Variants in PPARG observed in about 807,000 individuals in gnomAD.
PPARG encodes the protein peroxisome proliferator-activated receptor gamma.
A neutral mutation model predicts 39.2 loss-of-function variants in PPARG; 17 were observed. The observed-to-expected ratio is 0.43, with a 90% CI of 0.30 to 0.65. PPARG has a LOEUF of 0.65. Among genes scored for constraint, PPARG ranks in the 30% least tolerant of loss-of-function variants. The pLI, the probability that PPARG is intolerant of heterozygous loss-of-function variation, is 0.13. For synonymous variants in PPARG, 223 were observed against 215.7 expected (o/e 1.03, Z -0.30); for missense variants, 406 against 585.9 (o/e 0.69, Z 3.17).
At chr3:12,409,301 A>G (rs969912981) in intron 6 of PPARG, among the ~76,000 whole-genome samples, 1 of 152,220 alleles carries the variant, frequency 6.6e-6, no homozygotes, top group African/African-American at 2.4e-5. Flanking sequence ...AAAATAATCC[A>G]TTCACTGATG....
intron 5 of PPARG, among the ~76,000 whole-genome samples, chr3:12,394,493 T>C (rs1361503732): frequency 6.6e-6 from 1 of 152,230 alleles, no homozygotes; most frequent in African/African-American, 2.4e-5. Context: ...ATCATAAACT[T>C]GATAGGTCAT....
At chr3:12,355,893 A>G (rs17817276) in intron 2 of PPARG, among the ~76,000 whole-genome samples, 37,579 of 152,192 alleles carry the variant, frequency 0.25, 5,440 homozygotes, top group Middle Eastern at 0.36. Flanking sequence ...AGGTTGTCAT[A>G]TATTACTATT....
rs867100238 is a variant in PPARG, at chr3:12,356,173, T to C, written c.-8-23531T>C. On this transcript the variant is annotated intron_variant, in intron 2 of 7. Coordinates refer to ENST00000651735, the MANE Select transcript of PPARG (RefSeq NM_138711.6). ...ATATTTGTGAAAATATAGGTGATAATGAATTAGACTCGTTTGAATGGAATT... is the reference window on the plus strand; with the variant it reads ...ATATTTGTGAAAATATAGGTGATAACGAATTAGACTCGTTTGAATGGAATT... 3.3e-4 allele frequency among the ~76,000 whole-genome samples: 51 copies of C among 152,342 alleles called. 1 individual carries two copies. The highest frequency in any genetic ancestry group is 1.2e-3 in the African/African-American group (49 of 41,574).
At chr3:12,412,332 T>C (rs1395289608) in intron 6 of PPARG, among the ~76,000 whole-genome samples, 1 of 152,194 alleles carries the variant, frequency 6.6e-6, no homozygotes, top group African/African-American at 2.4e-5. Flanking sequence ...TCCCCCATTG[T>C]CTTTGTATTC....
At chr3:12,367,258 C>T (rs976394670) in intron 2 of PPARG, among the ~76,000 whole-genome samples, 8 of 152,096 alleles carry the variant, frequency 5.3e-5, no homozygotes, top group Non-Finnish European at 8.8e-5. Context: ...TCATTCTTCA[C>T]GTACTAGACA....
At chr3:12,383,512 T>G (rs1682437558) in intron 4 of PPARG, among the ~76,000 whole-genome samples, 1 of 152,150 alleles carries the variant, frequency 6.6e-6, no homozygotes, top group Admixed American at 6.6e-5. Flanking sequence ...GTGAGTAAAC[T>G]GTTGCTAAAT....
chr3:12,290,875 T>C (rs995309209), intron 1 of PPARG, among the ~76,000 whole-genome samples: 1 of 152,174 alleles, frequency 6.6e-6, no homozygotes, highest in Non-Finnish European at 1.5e-5. Flanking sequence ...TTTCATGAAG[T>C]AGGAAAATAT....
At chr3:12,294,662 A>G (rs988196023) in intron 1 of PPARG, among the ~76,000 whole-genome samples, 37 of 152,208 alleles carry the variant, frequency 2.4e-4, no homozygotes, top group African/African-American at 8.7e-4. Context: ...TGGGAGACAG[A>G]GGCAGAAGGA....
chr3:12,418,743 T>G (rs926235312), intron 7 of PPARG, among the ~76,000 whole-genome samples: 3 of 152,150 alleles, frequency 2.0e-5, no homozygotes, highest in African/African-American at 7.2e-5. Context: ...GAGACAGGAT[T>G]GTGAGCCAGG....
intron 5 of PPARG, among the ~76,000 whole-genome samples, chr3:12,396,019 G>A (rs1346289351): frequency 6.6e-6 from 1 of 152,120 alleles, no homozygotes; most frequent in Non-Finnish European, 1.5e-5. Context: ...ATGGGCTCTT[G>A]CATGCATTTT....
chr3:12,418,208 A>G (rs907684441), intron 7 of PPARG, among the ~76,000 whole-genome samples: 4 of 152,056 alleles, frequency 2.6e-5, no homozygotes, highest in Non-Finnish European at 1.5e-5. Context: ...ACCTCAAGCA[A>G]TCTTCTCACC....
At chr3:12,352,838 G>A (rs1434411091) in intron 2 of PPARG, among the ~76,000 whole-genome samples, 1 of 152,136 alleles carries the variant, frequency 6.6e-6, no homozygotes, top group Non-Finnish European at 1.5e-5. Flanking sequence ...TTAACTAGGA[G>A]TTTTGTTTTA....
chr3:12,366,639 A>G (rs2049027042), intron 2 of PPARG, among the ~76,000 whole-genome samples: 1 of 152,098 alleles, frequency 6.6e-6, no homozygotes, highest in South Asian at 2.1e-4. Context: ...CTTTTTCTGC[A>G]TTTATTGATA....
intron 6 of PPARG, among the ~76,000 whole-genome samples, chr3:12,410,717 A>G (rs1330029815): frequency 1.3e-5 from 2 of 152,208 alleles, no homozygotes; most frequent in Non-Finnish European, 2.9e-5. Flanking sequence ...GAAGAATAAA[A>G]TCAATATGGA....
chr3:12,360,379 C>T (rs1399784214), intron 2 of PPARG, among the ~76,000 whole-genome samples: 3 of 152,036 alleles, frequency 2.0e-5, no homozygotes, highest in African/African-American at 7.2e-5. Flanking sequence ...TATGACAATC[C>T]TTTTAACACA....
chr3:12,412,791 G>A (rs2050921825), intron 6 of PPARG, among the ~76,000 whole-genome samples: 1 of 152,092 alleles, frequency 6.6e-6, no homozygotes, highest in Admixed American at 6.5e-5. Flanking sequence ...CTCCACTACT[G>A]TGTATATTTT....
intron 2 of PPARG, among the ~76,000 whole-genome samples, chr3:12,321,611 C>A (rs151166758): frequency 1.3e-5 from 2 of 152,174 alleles, no homozygotes; most frequent in African/African-American, 4.8e-5. Context: ...AGCAATCCAT[C>A]GTTTCCATCA....
intron 2 of PPARG, among the ~76,000 whole-genome samples, chr3:12,369,620 C>T (rs941235131): frequency 6.6e-6 from 1 of 152,034 alleles, no homozygotes; most frequent in African/African-American, 2.4e-5. Context: ...AAAACACATA[C>T]TTCTCCCTCC....
chr3:12,422,312 C>T (rs1205735814), intron 7 of PPARG, among the ~76,000 whole-genome samples: 2 of 152,164 alleles, frequency 1.3e-5, no homozygotes, highest in African/African-American at 2.4e-5. Flanking sequence ...TACATGGCTG[C>T]ATACATGGTC....
Sources: allele counts gnomAD v4.1 joint callset (sites outside exome capture counted in the v4.1 genomes callset), GRCh38; gene constraint gnomAD v4.1.1; transcripts MANE v1.5; gene names NCBI Gene and HGNC (gene_info 2026-07-23, HGNC 2026-07-21).